Variants in DAB1 observed in about 807,000 individuals in gnomAD.
DAB1 encodes disabled homolog 1.
In DAB1, 15 loss-of-function variants were observed where a neutral mutation model predicts 64.6. The ratio of observed to expected loss-of-function variants is 0.23; its 90% CI spans 0.16 to 0.36. DAB1 has a LOEUF of 0.36. Among genes scored for constraint, DAB1 ranks in the 10% least tolerant of loss-of-function variants. The pLI, the probability that DAB1 is intolerant of heterozygous loss-of-function variation, is 1.00. For synonymous variants in DAB1, 235 were observed against 251.9 expected, an observed-to-expected ratio of 0.93 and a Z score of 0.64; for missense variants, 596 against 706.7, an observed-to-expected ratio of 0.84 and a Z score of 1.78.
At chr1:57,677,738 G>T in intron 6 of DAB1, among the ~76,000 whole-genome samples, 1 of 152,142 alleles carries the variant, frequency 6.6e-6, no homozygotes, top group East Asian at 1.9e-4. Context: ...AAATCCTTTG[G>T]GTTGGGAAGG....
At chr1:57,858,201 T>C (rs1159198229) in intron 1 of DAB1, among the ~76,000 whole-genome samples, 53 of 151,966 alleles carry the variant, frequency 3.5e-4, no homozygotes, top group Non-Finnish European at 1.3e-4. Context: ...TGGAAGGGTA[T>C]TTTTTTTAGA....
intron 5 of DAB1, among the ~76,000 whole-genome samples, chr1:58,071,993 G>C (rs1164486283): frequency 7.0e-6 from 1 of 143,350 alleles, no homozygotes; most frequent in African/African-American, 2.6e-5. Context: ...AAAGTTAAAA[G>C]GTAAATAATT....
chr1:57,355,907 C>CAT (rs1679063549), intron 1 of DAB1, among the ~76,000 whole-genome samples: 1 of 140,218 alleles, frequency 7.1e-6, no homozygotes, highest in African/African-American at 2.6e-5. Context: ...CACACACACA[C>CAT]ACACACACAC....
chr1:57,908,336 C>T (rs1336016116), intron 5 of DAB1, among the ~76,000 whole-genome samples: 1 of 152,066 alleles, frequency 6.6e-6, no homozygotes, highest in Non-Finnish European at 1.5e-5. Context: ...AACCCATTAA[C>T]CTGACAGGAC....
chr1:57,517,193 GCT>G (rs1049821998), intron 7 of DAB1, among the ~76,000 whole-genome samples: 9 of 151,808 alleles, frequency 5.9e-5, no homozygotes, highest in African/African-American at 2.2e-4. Flanking sequence ...GCAGGGTCTT[GCT>G]CTGTTGCCCA....
In DAB1 at chr1:57,977,701, T is replaced by C. The variant is rs531667178; in HGVS notation, n.388-93539A>G. ...GGTTCTCACCATACAATGCCTTTGC[T>C]GACGACATCCCCCGGACCCACCACA... On this transcript the variant is annotated intron_variant and non_coding_transcript_variant, in intron 5 of 20. Coordinates refer to the DAB1 transcript ENST00000485760. 1.4e-3 allele frequency among the ~76,000 whole-genome samples: 19 copies of C among 13,240 alleles called. No individual in the cohort carries two copies. In the South Asian group the frequency reaches 0.13, roughly 88 times the overall value. The allele number at this position is 13,240 out of a possible 152,430, so 8.7% of individuals were successfully genotyped here. A position where few individuals can be genotyped will look rare whatever the true frequency, so the allele number is the denominator to read the frequency against.
At chr1:57,379,158 A>G (rs886137861) in intron 1 of DAB1, among the ~76,000 whole-genome samples, 2 of 150,914 alleles carry the variant, frequency 1.3e-5, no homozygotes, top group Admixed American at 1.3e-4. Flanking sequence ...AGGGGCTACC[A>G]GCTAAGAAAC....
intron 7 of DAB1, among the ~76,000 whole-genome samples, chr1:57,597,577 C>T (rs1645525493): frequency 6.6e-6 from 1 of 152,230 alleles, no homozygotes; most frequent in Non-Finnish European, 1.5e-5. Context: ...TTTATTTAGT[C>T]CAACACCTGC....
In DAB1 at chr1:57,838,803, GTCTC is replaced by G. The variant is rs1652925545; in HGVS notation, n.88-12352_88-12349del. 6.0e-5 allele frequency among the ~76,000 whole-genome samples: 9 copies of G among 149,056 alleles called. No homozygotes were observed. The South Asian group carries it at 1.9e-3, about 32-fold the overall frequency. On this transcript the variant is annotated intron_variant and non_coding_transcript_variant, in intron 1 of 1. Coordinates refer to the DAB1 transcript ENST00000477280. ...TTTTTTTTCTTTTTTTTGAGGCAGG[GTCTC>G]TCTCTGTCACCCAGGCTAGAGTGCA...
intron 5 of DAB1, among the ~76,000 whole-genome samples, chr1:57,933,901 C>T (rs1644987011): frequency 6.8e-6 from 1 of 146,178 alleles, no homozygotes; most frequent in Non-Finnish European, 1.5e-5. Flanking sequence ...TGTGGTCAGT[C>T]TTTTTTTTTT....
chr1:57,966,829 T>C (rs1294887763), intron 5 of DAB1, among the ~76,000 whole-genome samples: 3 of 152,164 alleles, frequency 2.0e-5, no homozygotes, highest in African/African-American at 7.2e-5. Context: ...CTGTTTTAAG[T>C]CTAGGGAAAG....
rs1211618247 is a variant in DAB1, at chr1:57,854,110, T to C, written n.88-27655A>G. Among the ~76,000 whole-genome samples the C allele has an allele frequency of 2.0e-5, 3 of 152,220 alleles. No individual in the cohort carries two copies. The East Asian group carries it at 5.8e-4, about 29-fold the overall frequency. On this transcript the variant is annotated intron_variant and non_coding_transcript_variant, in intron 1 of 1. Transcript: ENST00000477280. ...AGTTTTTAAGTTAAAAAAATTTAAA[T>C]GATACTGGAACTCTTAAGACTTTAA...
At chr1:57,001,558 G>T (rs969970109) in intron 14 of DAB1, among the ~76,000 whole-genome samples, 1 of 152,106 alleles carries the variant, frequency 6.6e-6, no homozygotes, top group African/African-American at 2.4e-5. Context: ...ATTTGGCCAT[G>T]CCAGTCTCCT....
intron 5 of DAB1, among the ~76,000 whole-genome samples, chr1:57,938,183 G>C (rs1023347579): frequency 6.6e-6 from 1 of 152,204 alleles, no homozygotes; most frequent in African/African-American, 2.4e-5. Flanking sequence ...TCAAGGCACA[G>C]GGCCTTTCTG....
chr1:57,130,078 A>G (rs535990674), intron 4 of DAB1, among the ~76,000 whole-genome samples: 1 of 151,940 alleles, frequency 6.6e-6, no homozygotes, highest in South Asian at 2.1e-4. Flanking sequence ...GAGTCAACTC[A>G]GTATGACACA....
chr1:57,605,583 A>C, intron 7 of DAB1, among the ~76,000 whole-genome samples: 1 of 152,180 alleles, frequency 6.6e-6, no homozygotes, highest in Admixed American at 6.5e-5. Context: ...TCCAAGTGCA[A>C]GTTCCACTTC....
intron 4 of DAB1, among the ~76,000 whole-genome samples, chr1:58,155,476 A>C (rs549407152): frequency 2.0e-5 from 3 of 152,168 alleles, no homozygotes; most frequent in Admixed American, 2.0e-4. Context: ...ACTGTGAAAA[A>C]CGGGAAGCAA....
chr1:57,699,886 C>T (rs888305614), intron 6 of DAB1, among the ~76,000 whole-genome samples: 5 of 152,088 alleles, frequency 3.3e-5, no homozygotes, highest in African/African-American at 1.2e-4. Context: ...ACACTCCAGC[C>T]TGGTGACAGA....
intron 4 of DAB1, among the ~76,000 whole-genome samples, chr1:58,225,832 G>T (rs1437827836): frequency 9.8e-6 from 1 of 101,888 alleles, no homozygotes; most frequent in African/African-American, 3.6e-5. Context: ...AGGGGGGAGG[G>T]ATAGCATTAG....
Sources: gnomAD v4.1 joint callset for allele counts (sites outside exome capture counted in the v4.1 genomes callset) on GRCh38, gnomAD v4.1.1 for gene constraint, MANE v1.5 for transcripts, NCBI Gene and HGNC (gene_info 2026-07-23, HGNC 2026-07-21) for gene names.